RNF6: variants seen among roughly 807,000 people sequenced by gnomAD.
The protein encoded by RNF6 is E3 ubiquitin-protein ligase RNF6.
In RNF6, 21 loss-of-function variants were observed where a neutral mutation model predicts 50.1. That is an observed-to-expected ratio of 0.42 (90% CI 0.30 to 0.60). RNF6 has a LOEUF of 0.60. RNF6 is among the 20% of genes least tolerant of loss of function. The pLI, the probability that RNF6 is intolerant of heterozygous loss-of-function variation, is 0.20. For missense variants in RNF6, 698 were observed against 838.2 expected, an observed-to-expected ratio of 0.83 and a Z score of 2.07; for synonymous variants, 255 against 291.8, an observed-to-expected ratio of 0.87 and a Z score of 1.29.
chr13:26,152,324 G>A (rs1004789512), intron 5 of RNF6, among the ~76,000 whole-genome samples: 1 of 152,106 alleles, frequency 6.6e-6, no homozygotes, highest in Non-Finnish European at 1.5e-5. Flanking sequence ...CAGTTTCCAC[G>A]CGTTTGCTCA....
chr13:26,158,756 T>C (rs1313659116), intron 5 of RNF6, among the ~76,000 whole-genome samples: 1 of 152,186 alleles, frequency 6.6e-6, no homozygotes, highest in Non-Finnish European at 1.5e-5. Flanking sequence ...TTTTAACAAA[T>C]ACTTAAAGTG....
intron 5 of RNF6, among the ~76,000 whole-genome samples, chr13:26,193,022 CA>C (rs1868521317): frequency 6.6e-6 from 1 of 152,196 alleles, no homozygotes; most frequent in Admixed American, 6.5e-5. Context: ...ATGGATTTAC[CA>C]TTTACTGAAA....
Position 26,200,414 on chromosome 13 carries a change from T to C in RNF6, n.768+15060A>G, listed in dbSNP as rs1167697494. On this transcript the variant is annotated intron_variant and non_coding_transcript_variant, in intron 5 of 5. Coordinates refer to the RNF6 transcript ENST00000468480. Reference sequence around the variant, plus strand: ...GTCACTGTTTGAAATTCTTTTTTTTTTTTTTTTTTTTTGAGGCGGAGTTTT... The same window carrying C: ...GTCACTGTTTGAAATTCTTTTTTTTCTTTTTTTTTTTTGAGGCGGAGTTTT... Among the ~76,000 whole-genome samples the C allele has an allele frequency of 2.0e-5, 3 of 150,460 alleles. 1 individual carries two copies. Among genetic ancestry groups the C allele is most frequent in the Non-Finnish European group, 4.4e-5 (3 of 67,582 alleles).
At chr13:26,218,645 T>A (rs770207268) in intron 3 of RNF6, 39 bp from the exon 4 acceptor site, 2 of 1,536,302 alleles carry the variant, frequency 1.3e-6, no homozygotes, top group East Asian at 2.2e-5. Flanking sequence ...GAATTCTGAA[T>A]TAAGTTTTAT....
intron 5 of RNF6, among the ~76,000 whole-genome samples, chr13:26,169,273 A>T (rs966534134): frequency 7.2e-5 from 11 of 152,134 alleles, no homozygotes; most frequent in African/African-American, 2.7e-4. Flanking sequence ...GATGAGAAAG[A>T]AGCCAGGCTT....
chr13:26,154,955 AG>A (rs1871828707), intron 5 of RNF6, among the ~76,000 whole-genome samples: 1 of 152,064 alleles, frequency 6.6e-6, no homozygotes, highest in African/African-American at 2.4e-5. Flanking sequence ...GCTTGAACCC[AG>A]GAGGCAGAAG....
At chr13:26,162,650 C>T (rs548071666) in intron 5 of RNF6, among the ~76,000 whole-genome samples, 7 of 152,210 alleles carry the variant, frequency 4.6e-5, no homozygotes, top group Non-Finnish European at 8.8e-5. Context: ...CTGCTTCTCT[C>T]CCAAGCCCAC....
chr13:26,161,936 C>T lies in RNF6; in HGVS notation n.769-29485G>A, dbSNP rs561303330. 3.7e-4 allele frequency among the ~76,000 whole-genome samples: 57 copies of T among 152,256 alleles called. 1 individual carries two copies. The highest frequency in any genetic ancestry group is 1.4e-3 in the African/African-American group (57 of 41,548). On this transcript the variant is annotated intron_variant and non_coding_transcript_variant, in intron 5 of 5. Coordinates refer to the RNF6 transcript ENST00000468480. ...GTTGTCAGTTGACCCAAGTCAACTC[C>T]TAGATTTCTATTACTTTCATATACT...
At position 26,152,307 on chromosome 13, in the gene RNF6, A is replaced by T. The variant is rs372493297; in HGVS notation, n.769-19856T>A. 2.0e-5 allele frequency among the ~76,000 whole-genome samples: 3 copies of T among 152,298 alleles called. No homozygotes were observed. In the East Asian group the frequency reaches 5.8e-4, roughly 29 times the overall value. ...CTAGTTCTCTCCAAAAAGACGCCCA[A>T]TGTTTCCAGTTTCCACGCGTTTGCT... On this transcript the variant is annotated intron_variant and non_coding_transcript_variant, in intron 5 of 5. Transcript: ENST00000468480.
intron 5 of RNF6, chr13:26,154,315 C>T (rs1871792693): frequency 6.6e-6 from 1 of 152,172 alleles, no homozygotes; most frequent in Non-Finnish European, 1.5e-5. Flanking sequence ...TTTTCTAGAG[C>T]TATTTTGTCT....
At chr13:26,146,119 C>T (rs969490181) in intron 5 of RNF6, among the ~76,000 whole-genome samples, 1 of 152,170 alleles carries the variant, frequency 6.6e-6, no homozygotes, top group Non-Finnish European at 1.5e-5. Context: ...CTCATTATTT[C>T]CTTTGCCCCA....
At chr13:26,206,188 C>G (rs924366545) in intron 5 of RNF6, among the ~76,000 whole-genome samples, 1 of 152,034 alleles carries the variant, frequency 6.6e-6, no homozygotes, top group Admixed American at 6.6e-5. Context: ...CGCCTCCCCC[C>G]CACCACCCTC....
At chr13:26,156,891 G>A (rs17083341) in intron 5 of RNF6, among the ~76,000 whole-genome samples, 6,946 of 152,180 alleles carry the variant, frequency 0.046, 251 homozygotes, top group African/African-American at 0.095. Flanking sequence ...ATATAACATG[G>A]GGAGAGCATT....
At chr13:26,134,080 A>T (rs1357806626) in intron 5 of RNF6, among the ~76,000 whole-genome samples, 1 of 152,212 alleles carries the variant, frequency 6.6e-6, no homozygotes. Flanking sequence ...ACCTCTGTTG[A>T]CAGCCAAGGA....
chr13:26,167,730 C>A (rs182115925), intron 5 of RNF6, among the ~76,000 whole-genome samples: 4 of 152,252 alleles, frequency 2.6e-5, no homozygotes, highest in Admixed American at 2.6e-4. Context: ...ATTGTTCTAC[C>A]ATAAAGACAC....
intron 5 of RNF6, among the ~76,000 whole-genome samples, chr13:26,157,862 G>T (rs971357358): frequency 3.9e-5 from 6 of 151,918 alleles, no homozygotes; most frequent in Non-Finnish European, 8.8e-5. Context: ...CAGAATAAGA[G>T]ATAGCATAAA....
At chr13:26,203,147 T>C (rs1868959298) in intron 5 of RNF6, among the ~76,000 whole-genome samples, 1 of 152,194 alleles carries the variant, frequency 6.6e-6, no homozygotes, top group South Asian at 2.1e-4. Flanking sequence ...CTAATCCCTG[T>C]TGTAAATTAC....
intron 5 of RNF6, among the ~76,000 whole-genome samples, chr13:26,184,521 C>G (rs1593173631): frequency 6.6e-6 from 1 of 152,156 alleles, no homozygotes; most frequent in Non-Finnish European, 1.5e-5. Context: ...AAAACTACAA[C>G]AGTATAATTT....
intron 5 of RNF6, among the ~76,000 whole-genome samples, chr13:26,194,330 A>T (rs903182327): frequency 6.6e-6 from 1 of 152,188 alleles, no homozygotes; most frequent in Admixed American, 6.5e-5. Flanking sequence ...CAAGGATAAT[A>T]TCTAACTCAG....
Sources: gnomAD v4.1 joint callset for allele counts (sites outside exome capture counted in the v4.1 genomes callset) on GRCh38, gnomAD v4.1.1 for gene constraint, MANE v1.5 for transcripts, NCBI Gene and HGNC (gene_info 2026-07-23, HGNC 2026-07-21) for gene names.